The following PALLD variants were observed in gnomAD, a reference collection of about 807,000 sequenced individuals.
PALLD encodes palladin.
PALLD carries 61 observed loss-of-function variants against 123.5 expected under a neutral mutation model. The observed-to-expected ratio is 0.49, with a 90% confidence interval of 0.40 to 0.61. The LOEUF is 0.61. Among genes scored for constraint, PALLD ranks in the 20% least tolerant of loss-of-function variants. The pLI is 0.00. For missense variants in PALLD, 1,273 were observed against 1,377.0 expected (o/e 0.92, Z 1.20); for synonymous variants, 465 against 496.4 (o/e 0.94, Z 0.84).
Position 168,512,043 on chromosome 4 carries a change from C to T in PALLD, c.539C>T (p.Thr180Ile), listed in dbSNP as rs146387060. 158 of 1,614,214 alleles carry T rather than the reference C, an allele frequency of 9.8e-5. 2 individuals are homozygous for T. The African/African-American group carries it at 1.9e-3, about 20-fold the overall frequency. Residue 180 changes from threonine (T) to isoleucine (I), a missense_variant, in exon 2 of 22, where the codon ACA becomes ATA. Thr to Ile is a moderately conservative substitution (Grantham distance 89, BLOSUM62 -1). This residue lies in a region of PALLD where 944 missense variants were observed against 954.5 expected (regional missense o/e 0.99). Transcript: ENST00000505667. Reference sequence around the variant, plus strand: ...GCAGCTAATTTAATTGAGGAGCTAACATCCATATTTAAAGCCGCAAAGCCA... The same window carrying T: ...GCAGCTAATTTAATTGAGGAGCTAATATCCATATTTAAAGCCGCAAAGCCA... Reference protein sequence around the residue: ...DKAANLIEELTSIFKAAKPRN... With the variant: ...DKAANLIEELISIFKAAKPRN...
intron 10 of PALLD, among the ~76,000 whole-genome samples, chr4:168,834,564 C>T (rs372669081): frequency 2.5e-4 from 38 of 152,138 alleles, no homozygotes; most frequent in African/African-American, 8.0e-4. Context: ...TGGTGAAACC[C>T]GGTCTCTACT....
chr4:168,619,391 T>C (rs62335537), intron 2 of PALLD, among the ~76,000 whole-genome samples: 7,849 of 152,276 alleles, frequency 0.052, 303 homozygotes, highest in Non-Finnish European at 0.075. Flanking sequence ...TGGTTGGCAT[T>C]TAAATGACTT....
At chr4:168,707,355 T>A (rs1439357158) in intron 8 of PALLD, among the ~76,000 whole-genome samples, 1 of 152,162 alleles carries the variant, frequency 6.6e-6, no homozygotes, top group African/African-American at 2.4e-5. Context: ...TGTGCCAGGC[T>A]AGGCTGACCA....
chr4:168,708,985 A>G (rs764399695), intron 8 of PALLD, 43 bp from the exon 9 acceptor site: 3 of 1,604,366 alleles, frequency 1.9e-6, no homozygotes, highest in South Asian at 2.2e-5. Flanking sequence ...AAGTGACTTC[A>G]TGGTTCAACT....
intron 2 of PALLD, among the ~76,000 whole-genome samples, chr4:168,602,616 T>A (rs1235894846): frequency 6.6e-6 from 1 of 152,224 alleles, no homozygotes; most frequent in African/African-American, 2.4e-5. Flanking sequence ...TTTGCTCTAC[T>A]CATTTCCAGA....
chr4:168,520,668 T>C (rs1237227573), intron 2 of PALLD, among the ~76,000 whole-genome samples: 4 of 152,194 alleles, frequency 2.6e-5, no homozygotes, highest in East Asian at 1.9e-4. Context: ...CCAGGAAATA[T>C]TGCCCCTGTT....
intron 10 of PALLD, among the ~76,000 whole-genome samples, chr4:168,736,817 G>C (rs1020022650): frequency 7.9e-5 from 12 of 152,102 alleles, no homozygotes. Flanking sequence ...AGTGACCTCA[G>C]TGTCAAAAAT....
chr4:168,754,788 C>T lies in PALLD; in HGVS notation c.1964+42865C>T, dbSNP rs558372242. Among the ~76,000 whole-genome samples the T allele has an allele frequency of 6.6e-5, 10 of 152,314 alleles. No individual in the cohort carries two copies. The East Asian group carries it at 1.9e-3, about 29-fold the overall frequency. ...CTAGTGTGCATTGCTTAGTGCTCAA[C>T]TGTGCTAAGCATTATTCCACACATG... On this transcript the variant is annotated intron_variant, in intron 10 of 21. Coordinates refer to ENST00000505667, the MANE Select transcript of PALLD (RefSeq NM_001166108.2).
intron 3 of PALLD, 51 bp from the exon 4 acceptor site, chr4:168,681,281 A>G (rs1349518670): frequency 9.6e-7 from 1 of 1,046,144 alleles, no homozygotes; most frequent in Admixed American, 1.7e-5. Flanking sequence ...TGCAATTATT[A>G]TAGATAACAC....
At chr4:168,765,676 C>G (rs1422121055) in intron 10 of PALLD, among the ~76,000 whole-genome samples, 3 of 152,226 alleles carry the variant, frequency 2.0e-5, no homozygotes, top group Non-Finnish European at 4.4e-5. Context: ...TACCAGGAGC[C>G]AGAAAGTAGC....
chr4:168,639,592 G>A (rs1776699474), intron 2 of PALLD, among the ~76,000 whole-genome samples: 1 of 148,616 alleles, frequency 6.7e-6, no homozygotes, highest in East Asian at 2.0e-4. Context: ...CACCCAGGCT[G>A]GAGTGCAGTG....
intron 6 of PALLD, among the ~76,000 whole-genome samples, chr4:168,685,823 A>C (rs1447739109): frequency 2.0e-5 from 3 of 151,220 alleles, no homozygotes; most frequent in African/African-American, 4.8e-5. Context: ...AAAAAAAAAA[A>C]AAAAAAAAAA....
intron 6 of PALLD, among the ~76,000 whole-genome samples, chr4:168,689,879 G>A (rs1782456918): frequency 6.6e-6 from 1 of 152,166 alleles, no homozygotes; most frequent in Admixed American, 6.5e-5. Flanking sequence ...TGATATTTAA[G>A]AACAAGTATA....
chr4:168,830,824 A>G (rs922877853), intron 10 of PALLD, among the ~76,000 whole-genome samples: 2 of 152,244 alleles, frequency 1.3e-5, no homozygotes, highest in Admixed American at 1.3e-4. Flanking sequence ...GTTAGATATC[A>G]GTAATGACGG....
At chr4:168,837,398 G>T (rs867762027) in intron 10 of PALLD, among the ~76,000 whole-genome samples, 5 of 152,268 alleles carry the variant, frequency 3.3e-5, no homozygotes, top group Middle Eastern at 3.4e-3. Flanking sequence ...TTTTTAAATA[G>T]TCTTCAGTAG....
At chr4:168,672,111 T>C (rs2710839) in intron 3 of PALLD, among the ~76,000 whole-genome samples, 54,385 of 152,070 alleles carry the variant, frequency 0.36, 10,125 homozygotes, top group African/African-American at 0.46. Context: ...TTTTCTTATT[T>C]TTTTAAATTG....
intron 13 of PALLD, among the ~76,000 whole-genome samples, chr4:168,897,747 C>T (rs1755530822): frequency 6.6e-6 from 1 of 152,140 alleles, no homozygotes; most frequent in South Asian, 2.1e-4. Context: ...GCCACTGTAC[C>T]TGGCCTTTAA....
intron 8 of PALLD, among the ~76,000 whole-genome samples, chr4:168,694,229 G>C (rs1452857807): frequency 6.6e-6 from 1 of 152,202 alleles, no homozygotes; most frequent in African/African-American, 2.4e-5. Context: ...CCATTGTTAA[G>C]TGGAAGGAAG....
At position 168,711,914 on chromosome 4, in the gene PALLD, A is replaced by T; in HGVS notation, c.1955A>T (p.Lys652Ile). The T allele has an allele frequency of 6.2e-7, 1 of 1,612,580 alleles. No individual in the cohort carries two copies. The highest frequency in any genetic ancestry group is 8.5e-7 in the Non-Finnish European group (1 of 1,178,674). The change falls in exon 10 of 22, where the codon AAA (lysine) becomes ATA (isoleucine). Residue 652 changes from lysine to isoleucine, a missense_variant. Lys to Ile is a moderately radical substitution (Grantham distance 102). Transcript: ENST00000505667. Reference sequence around the variant, plus strand: ...AAGGAGCCACCACCTCTGCTTGCCAAACCAAAACTGTGAGTATTTCTGCAT... The same window carrying T: ...AAGGAGCCACCACCTCTGCTTGCCATACCAAAACTGTGAGTATTTCTGCAT... The part of the protein sequence containing the change: ...PTKEPPPLLA[K>I]PKLGFPKKAS...
Sources: gnomAD v4.1 joint callset for allele counts (sites outside exome capture counted in the v4.1 genomes callset) on GRCh38, gnomAD v4.1.1 for gene constraint, gnomAD v4.1.1 regional missense constraint, MANE v1.5 for transcripts, NCBI Gene and HGNC (gene_info 2026-07-23, HGNC 2026-07-21) for gene names.